Variants in SNX29 observed in about 807,000 individuals in gnomAD.
The protein encoded by SNX29 is sorting nexin 29.
SNX29 carries 78 observed loss-of-function variants against 102.1 expected under a neutral mutation model. The ratio of observed to expected loss-of-function variants is 0.76; its 90% CI spans 0.64 to 0.92. The LOEUF (loss-of-function observed/expected upper bound fraction) is 0.92, where lower values mean the gene tolerates loss of function less well. Ranked by LOEUF, SNX29 falls within the 40% of genes least tolerant of loss-of-function variation. The probability of loss-of-function intolerance (pLI) is 0.00; values close to 1 mark genes in which losing one functional copy is unlikely to be tolerated. For missense variants in SNX29, 1,280 were observed against 1,061.7 expected, an observed-to-expected ratio of 1.21 and a Z score of -2.86; for synonymous variants, 580 against 414.5, an observed-to-expected ratio of 1.40 and a Z score of -4.85.
At chr16:12,462,326 C>G (rs2086842664) in intron 18 of SNX29, among the ~76,000 whole-genome samples, 1 of 151,878 alleles carries the variant, frequency 6.6e-6, no homozygotes, top group South Asian at 2.1e-4. Context: ...TTTTCAAGTA[C>G]CTCTACAGTT....
intron 15 of SNX29, among the ~76,000 whole-genome samples, chr16:12,332,511 A>C (rs548743195): frequency 6.6e-5 from 10 of 152,088 alleles, no homozygotes; most frequent in Admixed American, 5.2e-4. Flanking sequence ...TGATGACTCT[A>C]TCCTCCCCCG....
intron 13 of SNX29, among the ~76,000 whole-genome samples, chr16:12,130,140 CA>C (rs1010487188): frequency 2.0e-4 from 27 of 138,320 alleles, no homozygotes; most frequent in African/African-American, 6.5e-4. Flanking sequence ...CAAACAACAA[CA>C]AAAAAAAACC....
At chr16:12,565,102 G>A (rs2078941095) in intron 20 of SNX29, among the ~76,000 whole-genome samples, 2 of 151,640 alleles carry the variant, frequency 1.3e-5, no homozygotes, top group South Asian at 2.1e-4. Context: ...CTTCTCTTCT[G>A]AGTACTGGCC....
intron 15 of SNX29, among the ~76,000 whole-genome samples, chr16:12,336,931 G>C (rs1286377684): frequency 6.6e-6 from 1 of 152,194 alleles, no homozygotes; most frequent in Non-Finnish European, 1.5e-5. Flanking sequence ...GGGCAACAAA[G>C]TAAGACCCTG....
At chr16:12,476,911 G>C (rs1463770227) in intron 18 of SNX29, among the ~76,000 whole-genome samples, 1 of 152,150 alleles carries the variant, frequency 6.6e-6, no homozygotes, top group Admixed American at 6.6e-5. Context: ...CACTCATGGA[G>C]TGTAAATTAC....
At chr16:12,189,913 T>C (rs914340206) in intron 13 of SNX29, among the ~76,000 whole-genome samples, 7 of 152,156 alleles carry the variant, frequency 4.6e-5, no homozygotes, top group African/African-American at 1.7e-4. Flanking sequence ...TAAGTTCACA[T>C]TGATGTCTTT....
chr16:12,515,383 A>G, intron 19 of SNX29: 5 of 402,164 alleles, frequency 1.2e-5, no homozygotes, highest in South Asian at 9.6e-5. Context: ...CAACAAACGA[A>G]TATATGTGAC....
intron 17 of SNX29, among the ~76,000 whole-genome samples, chr16:12,401,427 T>G (rs1228893545): frequency 2.8e-5 from 4 of 145,152 alleles, no homozygotes; most frequent in Non-Finnish European, 1.5e-5. Context: ...TGCAGTGGTG[T>G]GACCTTGGCT....
At chr16:12,319,550 C>T (rs1428681488) in intron 15 of SNX29, among the ~76,000 whole-genome samples, 8 of 152,200 alleles carry the variant, frequency 5.3e-5, no homozygotes, top group Admixed American at 5.2e-4. Flanking sequence ...GTGTTTCCAG[C>T]TGCCATTTGT....
At chr16:11,982,642 G>GCCGTC (rs1331988000) in intron 1 of SNX29, among the ~76,000 whole-genome samples, 1 of 151,938 alleles carries the variant, frequency 6.6e-6, no homozygotes, top group Admixed American at 6.6e-5. Context: ...TGTTAGCCAG[G>GCCGTC]ACGGTCTCGA....
At chr16:12,436,395 G>A (rs190934534) in intron 18 of SNX29, among the ~76,000 whole-genome samples, 1 of 152,242 alleles carries the variant, frequency 6.6e-6, no homozygotes, top group East Asian at 1.9e-4. Context: ...AGTGCGATGC[G>A]TGACATTTCC....
chr16:12,468,414 A>T (rs2087173053), intron 18 of SNX29, among the ~76,000 whole-genome samples: 1 of 151,828 alleles, frequency 6.6e-6, no homozygotes, highest in African/African-American at 2.4e-5. Context: ...ACCTCAAGTG[A>T]TCTGCCTGCC....
chr16:12,306,570 T>C (rs574194235), intron 15 of SNX29, among the ~76,000 whole-genome samples: 2 of 152,340 alleles, frequency 1.3e-5, no homozygotes, highest in Admixed American at 1.3e-4. Flanking sequence ...TGTAAATGCC[T>C]TTGAATACGT....
chr16:12,244,722 G>A (rs1187515938), intron 14 of SNX29, among the ~76,000 whole-genome samples: 1 of 152,190 alleles, frequency 6.6e-6, no homozygotes, highest in Non-Finnish European at 1.5e-5. Context: ...CTAAATGAAG[G>A]ATGGTTTGCC....
intron 3 of SNX29, among the ~76,000 whole-genome samples, chr16:12,026,324 T>A (rs1261818132): frequency 6.6e-6 from 1 of 152,232 alleles, no homozygotes; most frequent in Admixed American, 6.5e-5. Flanking sequence ...TCTGGTTAAC[T>A]TATTTGTGTA....
At chr16:12,281,106 A>C (rs1431088715) in intron 15 of SNX29, among the ~76,000 whole-genome samples, 1 of 152,072 alleles carries the variant, frequency 6.6e-6, no homozygotes, top group Non-Finnish European at 1.5e-5. Flanking sequence ...TAGAGATGGG[A>C]TCTTGCTATG....
chr16:12,134,100 C>G (rs2054571294), intron 13 of SNX29, among the ~76,000 whole-genome samples: 2 of 152,108 alleles, frequency 1.3e-5, no homozygotes, highest in Admixed American at 1.3e-4. Flanking sequence ...AATCGATTGC[C>G]TTGTTTCCTT....
chr16:11,983,534 G>A (rs1365302218), intron 1 of SNX29: 1 of 349,568 alleles, frequency 2.9e-6, no homozygotes, highest in East Asian at 1.7e-4. Flanking sequence ...GTAGAAAAGT[G>A]ATGCTATCAA....
At chr16:12,538,975 T>C (rs187518437) in intron 20 of SNX29, among the ~76,000 whole-genome samples, 232 of 152,210 alleles carry the variant, frequency 1.5e-3, no homozygotes, top group African/African-American at 5.2e-3. Context: ...GTGATATAAA[T>C]AGGGAGAAGA....
Sources: gnomAD v4.1 joint callset for allele counts (sites outside exome capture counted in the v4.1 genomes callset) on GRCh38, gnomAD v4.1.1 for gene constraint, MANE v1.5 for transcripts, NCBI Gene and HGNC (gene_info 2026-07-23, HGNC 2026-07-21) for gene names.